Variants in DMD observed in about 807,000 individuals in gnomAD.
DMD encodes the protein mutant dystrophin.
DMD carries 63 observed loss-of-function variants against 330.1 expected under a neutral mutation model. That is an observed-to-expected ratio of 0.19 (90% CI 0.16 to 0.24). The LOEUF (loss-of-function observed/expected upper bound fraction) is 0.24, where lower values mean the gene tolerates loss of function less well. DMD is among the 10% of genes least tolerant of loss of function. The probability of loss-of-function intolerance (pLI) is 1.00; values close to 1 mark genes in which losing one functional copy is unlikely to be tolerated. For synonymous variants in DMD, 1,223 were observed against 959.8 expected (o/e 1.27, Z -5.07); for missense variants, 3,344 against 2,684.1 (o/e 1.25, Z -5.43).
rs55674554 is a variant in DMD, at chrX:31,187,717, CAGAGAGAGAGAGAG to C, written c.9808-4827_9808-4814del. ...CAGCTCTGGAATCTTCCCAGATTCT[CAGAGAGAGAGAGAG>C]AGAGAGAGAGAGAGAGAGAGAGAGA... On this transcript the variant is annotated intron_variant, in intron 67 of 78. Coordinates refer to ENST00000357033, the MANE Select transcript of DMD (RefSeq NM_004006.3). Among the ~76,000 whole-genome samples, 207 of 66,809 alleles carry C rather than the reference CAGAGAGAGAGAGAG, an allele frequency of 3.1e-3. 2 individuals carry two copies. Among genetic ancestry groups the C allele is most frequent in the African/African-American group, 8.7e-3 (144 of 16,640 alleles). The allele number at this position is 66,809 out of a possible 115,157, so 58.0% of individuals were successfully genotyped here.
At chrX:32,384,784 T>G (rs1351280049) in intron 33 of DMD, among the ~76,000 whole-genome samples, 1 of 111,030 alleles carries the variant, frequency 9.0e-6, no homozygotes, top group Non-Finnish European at 1.9e-5. Context: ...TCAGTGATGT[T>G]GTTCTATTCA....
chrX:32,814,727 G>T (rs1218219166), intron 6 of DMD, among the ~76,000 whole-genome samples: 1 of 111,113 alleles, frequency 9.0e-6, no homozygotes, highest in Admixed American at 9.6e-5. Context: ...GGCAATTTGG[G>T]TATGTTTACT....
chrX:31,981,184 G>A (rs1264208793), intron 44 of DMD, among the ~76,000 whole-genome samples: 1 of 111,748 alleles, frequency 8.9e-6, no homozygotes, highest in Non-Finnish European at 1.9e-5. Context: ...TATAAGACGA[G>A]TCAAGTGGCA....
At chrX:32,865,992 AC>A (rs1226776889) in intron 2 of DMD, among the ~76,000 whole-genome samples, 2 of 112,332 alleles carry the variant, frequency 1.8e-5, no homozygotes, top group Non-Finnish European at 3.8e-5. Context: ...ATTTTGACCA[AC>A]AGAGTGCAAT....
At chrX:31,943,690 G>C (rs2095037352) in intron 45 of DMD, among the ~76,000 whole-genome samples, 1 of 109,910 alleles carries the variant, frequency 9.1e-6, no homozygotes, top group Non-Finnish European at 1.9e-5. Context: ...CTCCTATTTT[G>C]TTACTCAATT....
chrX:31,407,488 T>C (rs1344905995), intron 60 of DMD, among the ~76,000 whole-genome samples: 1 of 103,863 alleles, frequency 9.6e-6, no homozygotes, highest in Non-Finnish European at 2.0e-5. Context: ...CTTTTTTTTT[T>C]TGAGACAGAG....
At chrX:32,667,337 A>C (rs1490030687) in intron 9 of DMD, among the ~76,000 whole-genome samples, 3 of 112,038 alleles carry the variant, frequency 2.7e-5, no homozygotes, top group African/African-American at 9.7e-5. Context: ...TTGTGTGATT[A>C]TACAAGCAAT....
chrX:32,827,041 T>A (rs1334005770), intron 4 of DMD, among the ~76,000 whole-genome samples: 2 of 92,380 alleles, frequency 2.2e-5, no homozygotes, highest in Non-Finnish European at 4.2e-5. Flanking sequence ...AATAAGTCAT[T>A]GGAACACACA....
intron 6 of DMD, among the ~76,000 whole-genome samples, chrX:32,812,212 G>C (rs920872859): frequency 9.0e-6 from 1 of 111,252 alleles, no homozygotes; most frequent in Non-Finnish European, 1.9e-5. Flanking sequence ...TACAGTTTTA[G>C]AATATTTGAA....
chrX:33,017,330 AT>A (rs950107383), intron 2 of DMD, among the ~76,000 whole-genome samples: 3 of 111,549 alleles, frequency 2.7e-5, no homozygotes, highest in Non-Finnish European at 3.8e-5. Context: ...AAATGTGTGT[AT>A]AAAAGGCAAT....
intron 53 of DMD, among the ~76,000 whole-genome samples, chrX:31,670,273 AT>A (rs760717270): frequency 9.0e-6 from 1 of 111,185 alleles, no homozygotes; most frequent in East Asian, 2.8e-4. Flanking sequence ...TCTAATCTGG[AT>A]GTCTTTTATT....
intron 1 of DMD, among the ~76,000 whole-genome samples, chrX:33,048,214 G>A (rs954751915): frequency 9.0e-6 from 1 of 111,454 alleles, no homozygotes. Flanking sequence ...GATTGTTCAG[G>A]CAAACGGAAA....
intron 50 of DMD, among the ~76,000 whole-genome samples, chrX:31,811,883 G>C (rs1313159017): frequency 9.0e-6 from 1 of 111,255 alleles, no homozygotes; most frequent in Admixed American, 9.6e-5. Flanking sequence ...CCCCTGCCAT[G>C]TTTCTATTAA....
chrX:32,589,899 G>A (rs1006265309), intron 13 of DMD, among the ~76,000 whole-genome samples: 7 of 111,293 alleles, frequency 6.3e-5, no homozygotes, highest in South Asian at 3.7e-4. Context: ...TTTTCAGCAC[G>A]TAAATCAGAT....
chrX:31,959,769 GTT>G (rs201621257), intron 45 of DMD, among the ~76,000 whole-genome samples: 19 of 80,885 alleles, frequency 2.3e-4, no homozygotes, highest in African/African-American at 7.9e-4. Context: ...CAGCACCGTG[GTT>G]TTTTTTTTTT....
At chrX:31,741,800 T>C (rs2087363438) in intron 51 of DMD, among the ~76,000 whole-genome samples, 1 of 111,448 alleles carries the variant, frequency 9.0e-6, no homozygotes, top group African/African-American at 3.3e-5. Context: ...CTTTGAACTT[T>C]TGAAGCCAGG....
intron 37 of DMD, among the ~76,000 whole-genome samples, chrX:32,356,379 TAAAAAA>T (rs71888370): frequency 0.25 from 13,111 of 52,409 alleles, 1,173 homozygotes; most frequent in African/African-American, 0.42. Context: ...TGAATGGAAG[TAAAAAA>T]AAAAAAAAAA....
chrX:31,234,851 T>C (rs1262422546), intron 63 of DMD, among the ~76,000 whole-genome samples: 1 of 111,102 alleles, frequency 9.0e-6, no homozygotes, highest in African/African-American at 3.3e-5. Flanking sequence ...GAATACAGCA[T>C]GGACAAGTGG....
At chrX:32,908,473 CG>C (rs1405645325) in intron 2 of DMD, among the ~76,000 whole-genome samples, 1 of 112,011 alleles carries the variant, frequency 8.9e-6, no homozygotes, top group African/African-American at 3.2e-5. Flanking sequence ...GAACGTAAAA[CG>C]GAAGTGCTAA....
Sources: allele counts gnomAD v4.1 joint callset (sites outside exome capture counted in the v4.1 genomes callset), GRCh38; gene constraint gnomAD v4.1.1; transcripts MANE v1.5; gene names NCBI Gene and HGNC (gene_info 2026-07-23, HGNC 2026-07-21).